The following MRTFA variants were observed in gnomAD, a reference collection of about 807,000 sequenced individuals.
MRTFA encodes the protein myocardin related transcription factor A.
A neutral mutation model predicts 83.5 loss-of-function variants in MRTFA; 20 were observed. The observed-to-expected ratio is 0.24, with a 90% CI of 0.17 to 0.35. MRTFA has a LOEUF of 0.35. Ranked by LOEUF, MRTFA falls within the 10% of genes least tolerant of loss-of-function variation. MRTFA has a pLI of 1.00. For synonymous variants in MRTFA, 659 were observed against 541.2 expected, an observed-to-expected ratio of 1.22 and a Z score of -3.02; for missense variants, 1,200 against 1,224.7, an observed-to-expected ratio of 0.98 and a Z score of 0.30.
intron 3 of MRTFA, among the ~76,000 whole-genome samples, chr22:40,518,318 A>G (rs1044359739): frequency 2.0e-5 from 3 of 152,090 alleles, no homozygotes; most frequent in Non-Finnish European, 4.4e-5. Flanking sequence ...CTGAGCCCTT[A>G]ACCTGTGGGG....
chr22:40,513,756 A>T (rs1396214096), intron 3 of MRTFA, among the ~76,000 whole-genome samples: 2 of 152,162 alleles, frequency 1.3e-5, no homozygotes, highest in Non-Finnish European at 2.9e-5. Flanking sequence ...CTAATCAGTA[A>T]GGCAAAATAT....
At chr22:40,617,120 CGAAA>C (rs1238395970) in intron 1 of MRTFA, among the ~76,000 whole-genome samples, 53 of 139,660 alleles carry the variant, frequency 3.8e-4, no homozygotes, top group Middle Eastern at 3.6e-3. Flanking sequence ...AAAAGCAAGA[CGAAA>C]GAAAGAGAGA....
At chr22:40,586,577 C>T (rs17002026) in intron 2 of MRTFA, 17,341 of 171,106 alleles carry the variant, frequency 0.1, 1,051 homozygotes, top group East Asian at 0.25. Flanking sequence ...CATACTAAAG[C>T]TCTGAAGGAT....
At chr22:40,620,318 T>A (rs1234675501) in intron 1 of MRTFA, among the ~76,000 whole-genome samples, 1 of 151,944 alleles carries the variant, frequency 6.6e-6, no homozygotes, top group African/African-American at 2.4e-5. Flanking sequence ...GAGATGGGGT[T>A]TCTCTATGTT....
intron 3 of MRTFA, among the ~76,000 whole-genome samples, chr22:40,540,938 T>C (rs1391642044): frequency 2.6e-5 from 4 of 151,770 alleles, no homozygotes; most frequent in Non-Finnish European, 5.9e-5. Context: ...ATAGGAAAAG[T>C]TCATAACAAA....
rs143912229 is a variant in MRTFA at position 40,470,746 on chromosome 22, C to T, written c.242-7460G>A. The stretch of plus-strand genomic sequence containing the variant: ...GGCAGATCACCTGAGGTCAGGAGTT[C>T]GAGACCAGCCTCACCAATATGGTGA... On this transcript the variant is annotated intron_variant, in intron 3 of 14. Transcript: ENST00000355630. Among the ~76,000 whole-genome samples, 586 of 151,526 alleles carry T rather than the reference C, an allele frequency of 3.9e-3. 4 individuals are homozygous for T. Among genetic ancestry groups the T allele is most frequent in the Middle Eastern group, 0.01 (3 of 294 alleles).
intron 3 of MRTFA, among the ~76,000 whole-genome samples, chr22:40,507,186 C>A (rs761966601): frequency 2.0e-5 from 3 of 152,006 alleles, no homozygotes; most frequent in Non-Finnish European, 4.4e-5. Context: ...AAGGCAAAAC[C>A]CCATCTCTAC....
intron 3 of MRTFA, among the ~76,000 whole-genome samples, chr22:40,544,985 G>A (rs1165574816): frequency 7.4e-5 from 11 of 149,048 alleles, no homozygotes; most frequent in African/African-American, 2.5e-5. Context: ...ATAAAATAAC[G>A]GAAAGTGATT....
rs527543400 is a variant in MRTFA at position 40,585,266 on chromosome 22, C to T, written c.-22+9408G>A. 2.6e-5 allele frequency among the ~76,000 whole-genome samples: 4 copies of T among 152,262 alleles called. No individual in the cohort carries two copies. The East Asian group carries it at 7.7e-4, about 29-fold the overall frequency. On this transcript the variant is annotated intron_variant, in intron 2 of 14. Coordinates refer to ENST00000355630, the MANE Select transcript of MRTFA (RefSeq NM_020831.6). ...TTTAATTTTTAACTTGTATGTAAAA[C>T]ATTATATAAACTTTTTTAAAAATCA...
chr22:40,619,763 G>A (rs1035294676), intron 1 of MRTFA, among the ~76,000 whole-genome samples: 4 of 151,442 alleles, frequency 2.6e-5, no homozygotes, highest in African/African-American at 9.7e-5. Context: ...GGTGGCAGGA[G>A]CCTGTAGTCC....
chr22:40,493,047 C>T (rs539899420), intron 3 of MRTFA, among the ~76,000 whole-genome samples: 3 of 152,316 alleles, frequency 2.0e-5, no homozygotes, highest in African/African-American at 4.8e-5. Context: ...GATTCAAACC[C>T]TTATCTTGTT....
At chr22:40,624,289 G>A (rs1206336584) in intron 1 of MRTFA, among the ~76,000 whole-genome samples, 2 of 151,744 alleles carry the variant, frequency 1.3e-5, no homozygotes, top group Non-Finnish European at 2.9e-5. Context: ...AGCCGTGCAT[G>A]GTGGGGCACG....
intron 1 of MRTFA, among the ~76,000 whole-genome samples, chr22:40,621,013 C>G (rs2056516614): frequency 3.3e-5 from 5 of 151,800 alleles, no homozygotes; most frequent in African/African-American, 1.2e-4. Flanking sequence ...GAGACCATCC[C>G]TACAAAAAAT....
At chr22:40,445,357 T>G (rs1266585327) in intron 4 of MRTFA, among the ~76,000 whole-genome samples, 1 of 152,238 alleles carries the variant, frequency 6.6e-6, no homozygotes, top group African/African-American at 2.4e-5. Context: ...ACCCCTAAAT[T>G]CTTCAGTGTG....
At chr22:40,614,574 G>A (rs549120224) in intron 1 of MRTFA, among the ~76,000 whole-genome samples, 1 of 152,050 alleles carries the variant, frequency 6.6e-6, no homozygotes, top group Non-Finnish European at 1.5e-5. Context: ...TGCAACCTAC[G>A]CATCCTGGGT....
At chr22:40,474,484 T>C (rs74486969) in intron 3 of MRTFA, among the ~76,000 whole-genome samples, 12,436 of 152,286 alleles carry the variant, frequency 0.082, 787 homozygotes, top group East Asian at 0.24. Context: ...TGTCATTTAC[T>C]CACTTTACTC....
In MRTFA at chr22:40,418,432, A is replaced by G. The variant is rs375605968; in HGVS notation, c.2306T>C (p.Leu769Pro). 12 of 1,613,898 alleles carry G rather than the reference A, an allele frequency of 7.4e-6. No individual in the cohort carries two copies. Among genetic ancestry groups the G allele is most frequent in the Non-Finnish European group, 1.0e-5 (12 of 1,179,942 alleles). Residue 769 changes from leucine to proline, a missense_variant, in exon 12 of 15, where the codon CTC becomes CCC. Leu to Pro is a moderately conservative substitution (Grantham distance 98, BLOSUM62 -3). This residue lies in a region of MRTFA where 1,107 missense variants were observed against 1,041.8 expected (regional missense o/e 1.06). Transcript: ENST00000355630. ...GTCTGCATTCTTATTGGTCACGGTG[A>G]GGACAAGGTGGGTCCCTGTGGAGTC...
chr22:40,551,907 TAGAA>T (rs2055449375), intron 3 of MRTFA, among the ~76,000 whole-genome samples, 195 bp downstream of exon 3: 1 of 152,074 alleles, frequency 6.6e-6, no homozygotes. Flanking sequence ...GCAGAGAAAT[TAGAA>T]AGAAATTATA....
At chr22:40,548,528 T>C (rs766063035) in intron 3 of MRTFA, among the ~76,000 whole-genome samples, 1 of 151,800 alleles carries the variant, frequency 6.6e-6, no homozygotes, top group Non-Finnish European at 1.5e-5. Flanking sequence ...CCTTGACATT[T>C]ATTTACACCA....
Sources: gnomAD v4.1 joint callset for allele counts (sites outside exome capture counted in the v4.1 genomes callset) on GRCh38, gnomAD v4.1.1 for gene constraint, gnomAD v4.1.1 regional missense constraint, MANE v1.5 for transcripts, NCBI Gene and HGNC (gene_info 2026-07-23, HGNC 2026-07-21) for gene names.